The following TRHDE variants were observed in gnomAD, a reference collection of about 807,000 sequenced individuals.
TRHDE encodes thyrotropin-releasing hormone-degrading ectoenzyme.
A neutral mutation model predicts 125.7 loss-of-function variants in TRHDE; 72 were observed. The ratio of observed to expected loss-of-function variants is 0.57; its 90% CI spans 0.47 to 0.70. The LOEUF (loss-of-function observed/expected upper bound fraction) is 0.70, where lower values mean the gene tolerates loss of function less well. TRHDE is among the 30% of genes least tolerant of loss of function. The pLI, the probability that TRHDE is intolerant of heterozygous loss-of-function variation, is 0.00. For synonymous variants in TRHDE, 509 were observed against 509.1 expected, an observed-to-expected ratio of 1.00 and a Z score of 0.00; for missense variants, 1,110 against 1,327.1, an observed-to-expected ratio of 0.84 and a Z score of 2.54.
At chr12:72,420,640 A>G (rs1873913680) in intron 3 of TRHDE, among the ~76,000 whole-genome samples, 1 of 152,192 alleles carries the variant, frequency 6.6e-6, no homozygotes, top group Non-Finnish European at 1.5e-5. Flanking sequence ...CCATTGAAAT[A>G]GACTGGGTTC....
chr12:72,322,978 G>A lies in TRHDE; in HGVS notation c.1188+36024G>A, dbSNP rs183583919. ...CCATTTAGCCATTTTCACTATCTTG[G>A]ACTCTTTTTTCTTATCTCTAAAATC... On this transcript the variant is annotated intron_variant, in intron 2 of 18. Coordinates refer to ENST00000261180, the MANE Select transcript of TRHDE (RefSeq NM_013381.3). Among the ~76,000 whole-genome samples, 4 of 152,126 alleles carry A rather than the reference G, an allele frequency of 2.6e-5. No homozygotes were observed. In the East Asian group the frequency reaches 7.7e-4, roughly 29 times the overall value.
intron 12 of TRHDE, among the ~76,000 whole-genome samples, chr12:72,609,804 A>G (rs3910234): frequency 0.41 from 61,697 of 151,938 alleles, 14,521 homozygotes; most frequent in African/African-American, 0.65. Context: ...AGGAAGTTAG[A>G]AGCTTCACTG....
intron 2 of TRHDE, among the ~76,000 whole-genome samples, chr12:72,293,808 C>T (rs528085696): frequency 1.3e-3 from 195 of 152,176 alleles, no homozygotes; most frequent in Non-Finnish European, 2.2e-3. Context: ...GGGCTCATTT[C>T]GCCCACTTTG....
chr12:72,562,534 C>T (rs1455526780), intron 8 of TRHDE, among the ~76,000 whole-genome samples: 2 of 151,620 alleles, frequency 1.3e-5, no homozygotes, highest in Non-Finnish European at 3.0e-5. Flanking sequence ...ATAATTTTTT[C>T]TATAGGTCAG....
At position 72,469,818 on chromosome 12, in the gene TRHDE, T is replaced by C. The variant is rs775097370; in HGVS notation, c.1376T>C (p.Phe459Ser). The C allele has an allele frequency of 5.6e-6, 9 of 1,613,986 alleles. No homozygotes were observed. The change falls in exon 4 of 19, where the codon TTT becomes TCT. Residue 459 changes from phenylalanine to serine, a missense_variant. Physicochemically the swap from Phe to Ser is radical, Grantham distance 155. Coordinates refer to ENST00000261180, the MANE Select transcript of TRHDE (RefSeq NM_013381.3). ...ATGGAGAACTGGGGACTAAGTATTTTTGTGGAACAAAGAATACTGCTGGAT... is the reference window on the plus strand; with the variant it reads ...ATGGAGAACTGGGGACTAAGTATTTCTGTGGAACAAAGAATACTGCTGGAT... Reference protein sequence around the residue: ...AAMENWGLSIFVEQRILLDPS... With the variant: ...AAMENWGLSISVEQRILLDPS...
chr12:72,350,731 CTG>C (rs1172971716), intron 2 of TRHDE, among the ~76,000 whole-genome samples: 3 of 151,950 alleles, frequency 2.0e-5, no homozygotes, highest in Admixed American at 2.0e-4. Flanking sequence ...AAGATTAAGA[CTG>C]GGTGTGTTTT....
At chr12:72,640,630 C>T (rs547764093) in intron 15 of TRHDE, among the ~76,000 whole-genome samples, 3 of 151,992 alleles carry the variant, frequency 2.0e-5, no homozygotes, top group African/African-American at 7.2e-5. Context: ...GCTCTGAGTT[C>T]GATCTAAGTC....
At chr12:72,271,979 A>G (rs945030715), upstream of TRHDE, 5 of 456,594 alleles carry the variant, frequency 1.1e-5, no homozygotes, top group Middle Eastern at 6.5e-4. Context: ...AGGCTTTTCC[A>G]GGACGGATCT....
At chr12:72,091,223 C>A (rs1874782667) in intron 1 of TRHDE, among the ~76,000 whole-genome samples, 1 of 152,012 alleles carries the variant, frequency 6.6e-6, no homozygotes. Flanking sequence ...TGATTCCCAA[C>A]CCTTTCTTGC....
intron 15 of TRHDE, among the ~76,000 whole-genome samples, chr12:72,634,448 T>A (rs1873632859): frequency 6.6e-6 from 1 of 151,772 alleles, no homozygotes; most frequent in Non-Finnish European, 1.5e-5. Context: ...AACCAATGCA[T>A]GAGTTTTAAT....
intron 2 of TRHDE, among the ~76,000 whole-genome samples, chr12:72,211,283 ATGAAGGGC>A (rs1208850077): frequency 6.6e-6 from 1 of 152,176 alleles, no homozygotes; most frequent in Non-Finnish European, 1.5e-5. Flanking sequence ...AACCATGAGG[ATGAAGGGC>A]TTCATAGTTC....
At chr12:72,378,322 A>C (rs557886147) in intron 3 of TRHDE, among the ~76,000 whole-genome samples, 1 of 152,292 alleles carries the variant, frequency 6.6e-6, no homozygotes, top group African/African-American at 2.4e-5. Context: ...TGCTCATAGG[A>C]ATTAAGAAAG....
chr12:72,575,523 G>A lies in TRHDE; in HGVS notation c.2302G>A (p.Asp768Asn). 6.2e-7 allele frequency: 1 copy of A among 1,613,638 alleles called. No homozygotes were observed. The highest frequency in any genetic ancestry group is 8.5e-7 in the Non-Finnish European group (1 of 1,179,730). The change falls in exon 12 of 19, where the codon GAT (aspartate) becomes AAT (asparagine). Residue 768 changes from aspartate to asparagine, a missense_variant. Physicochemically the swap from Asp to Asn is conservative, Grantham distance 23 (BLOSUM62 1). Transcript: ENST00000261180. Reference protein sequence around the residue: ...SVSNRAGLIDDAFSLARAGYL... With the variant: ...SVSNRAGLIDNAFSLARAGYL... Reference sequence around the variant, plus strand: ...CAGTAACCGAGCGGGCTTGATCGATGATGCCTTCAGCCTAGCCAGGTATGT... The same window carrying A: ...CAGTAACCGAGCGGGCTTGATCGATAATGCCTTCAGCCTAGCCAGGTATGT...
In TRHDE at chr12:72,647,874, C is replaced by T. The variant is rs998658375; in HGVS notation, c.2676-4448C>T. On this transcript the variant is annotated intron_variant, in intron 15 of 18. Coordinates refer to ENST00000261180, the MANE Select transcript of TRHDE (RefSeq NM_013381.3). ...AAAGAATCCTGCAATCCTTCTGAAA[C>T]TTTCAAAAAAATTGATGAGGAACAC... Among the ~76,000 whole-genome samples the T allele has an allele frequency of 7.2e-5, 11 of 152,178 alleles. No individual in the cohort carries two copies. In the South Asian group the frequency reaches 8.3e-4, roughly 11 times the overall value.
intron 2 of TRHDE, among the ~76,000 whole-genome samples, chr12:72,143,924 A>G (rs1472831220): frequency 6.6e-6 from 1 of 152,192 alleles, no homozygotes; most frequent in African/African-American, 2.4e-5. Flanking sequence ...ATGTTCAATT[A>G]CCAGATTGAA....
Position 72,273,735 on chromosome 12 carries a change from G to A in TRHDE, c.914+178G>A. On this transcript the variant is annotated intron_variant, in intron 1 of 18. Coordinates refer to ENST00000261180, the MANE Select transcript of TRHDE (RefSeq NM_013381.3). The surrounding 1 kb of genome is among the most constrained non-coding windows in gnomAD (Gnocchi z 5.3). Reference sequence around the variant, plus strand: ...CTCCGGGGTCTCCCAGATGCCTCGGGGTCTCGCTGCCGCCAACTTCGCAAA... The same window carrying A: ...CTCCGGGGTCTCCCAGATGCCTCGGAGTCTCGCTGCCGCCAACTTCGCAAA... 3.4e-6 allele frequency: 2 copies of A among 585,716 alleles called. No individual in the cohort carries two copies. Among genetic ancestry groups the A allele is most frequent in the South Asian group, 2.5e-5 (1 of 40,080 alleles). The allele number at this position is 585,716 out of a possible 1,614,324, so 36.3% of individuals were successfully genotyped here.
chr12:72,385,421 C>T (rs866864903), intron 3 of TRHDE, among the ~76,000 whole-genome samples: 4 of 151,844 alleles, frequency 2.6e-5, no homozygotes, highest in Admixed American at 6.6e-5. Context: ...TAACCTTTTC[C>T]GCCATCTTTA....
At chr12:72,330,288 C>A (rs1042686822) in intron 2 of TRHDE, among the ~76,000 whole-genome samples, 1 of 151,626 alleles carries the variant, frequency 6.6e-6, no homozygotes, top group East Asian at 1.9e-4. Context: ...CACCTCCCTA[C>A]CCCCCACCTC....
chr12:72,380,764 TTGCTTCCTTCCTTCC>T (rs1872123426), intron 3 of TRHDE, among the ~76,000 whole-genome samples: 1 of 92,548 alleles, frequency 1.1e-5, no homozygotes, highest in African/African-American at 6.3e-5. Flanking sequence ...CCTTCCTTCC[TTGCTTCCTTCCTTCC>T]TTCCTTCCTT....
Sources: gnomAD v4.1 joint callset for allele counts (sites outside exome capture counted in the v4.1 genomes callset) on GRCh38, gnomAD v4.1.1 for gene constraint, Gnocchi (gnomAD v3.1) non-coding constraint, MANE v1.5 for transcripts, NCBI Gene and HGNC (gene_info 2026-07-23, HGNC 2026-07-21) for gene names.